The following NEBL variants were observed in gnomAD, a reference collection of about 807,000 sequenced individuals.
NEBL encodes the protein LIM and SH3 protein 2.
Under a neutral mutation model 140.2 loss-of-function variants are expected in NEBL, and 122 were observed. That is an observed-to-expected ratio of 0.87 (90% CI 0.75 to 1.01). The LOEUF is 1.01. Among genes scored for constraint, NEBL ranks in the 50% least tolerant of loss-of-function variants. The pLI, the probability that NEBL is intolerant of heterozygous loss-of-function variation, is 0.00. For synonymous variants in NEBL, 436 were observed against 398.9 expected (o/e 1.09, Z -1.11); for missense variants, 1,365 against 1,231.3 (o/e 1.11, Z -1.62).
chr10:21,083,612 A>G (rs1295520720), intron 2 of NEBL, among the ~76,000 whole-genome samples: 1 of 152,202 alleles, frequency 6.6e-6, no homozygotes, highest in Non-Finnish European at 1.5e-5. Context: ...GAGGAGGCCA[A>G]GGCAGGAGGA....
At chr10:20,985,618 G>T (rs376512794) in intron 3 of NEBL, among the ~76,000 whole-genome samples, 2 of 151,998 alleles carry the variant, frequency 1.3e-5, no homozygotes, top group Admixed American at 1.3e-4. Flanking sequence ...CTCATTTCAG[G>T]CAGTCAGAAA....
At chr10:20,921,165 A>C (rs1833561645) in intron 4 of NEBL, among the ~76,000 whole-genome samples, 1 of 152,216 alleles carries the variant, frequency 6.6e-6, no homozygotes, top group Non-Finnish European at 1.5e-5. Context: ...TATTTTATTT[A>C]AACTGTGAAG....
chr10:21,051,611 T>C (rs1003940723), intron 2 of NEBL, among the ~76,000 whole-genome samples: 1 of 152,188 alleles, frequency 6.6e-6, no homozygotes, highest in Non-Finnish European at 1.5e-5. Context: ...AAAAAATCTA[T>C]GACACATGGA....
intron 1 of NEBL, among the ~76,000 whole-genome samples, chr10:21,280,770 G>T (rs989720659): frequency 6.6e-6 from 1 of 151,552 alleles, no homozygotes; most frequent in African/African-American, 2.4e-5. Context: ...ACACACCATC[G>T]CGCATGGCTA....
intron 2 of NEBL, among the ~76,000 whole-genome samples, chr10:20,891,814 C>A (rs147974969): frequency 1.3e-5 from 2 of 152,074 alleles, no homozygotes; most frequent in East Asian, 1.9e-4. Flanking sequence ...AAGTCACACA[C>A]AATCATGTGT....
intron 3 of NEBL, among the ~76,000 whole-genome samples, chr10:21,006,974 C>T (rs1421290397): frequency 1.3e-5 from 2 of 152,104 alleles, no homozygotes; most frequent in Non-Finnish European, 2.9e-5. Flanking sequence ...GTAAAGGATC[C>T]TTTCTTATTC....
At chr10:20,817,127 C>T (rs962759853) in intron 21 of NEBL, among the ~76,000 whole-genome samples, 1 of 152,080 alleles carries the variant, frequency 6.6e-6, no homozygotes, top group Non-Finnish European at 1.5e-5. Context: ...CATCTGTAAT[C>T]CCAGCACTTT....
chr10:20,813,776 C>T, intron 23 of NEBL, 163 bp downstream of exon 23: 1 of 630,358 alleles, frequency 1.6e-6, no homozygotes, highest in East Asian at 2.8e-5. Context: ...CTAAATGTTT[C>T]CACTGCATTT....
chr10:20,935,193 G>C (rs891265613), intron 4 of NEBL, among the ~76,000 whole-genome samples: 1 of 152,098 alleles, frequency 6.6e-6, no homozygotes, highest in African/African-American at 2.4e-5. Flanking sequence ...GTCACCCCGA[G>C]GAAGCATCCA....
upstream of NEBL, among the ~76,000 whole-genome samples, chr10:21,176,110 C>T (rs911701395): frequency 6.6e-6 from 1 of 152,070 alleles, no homozygotes; most frequent in Non-Finnish European, 1.5e-5. Flanking sequence ...TCAGGTGATC[C>T]TCCCGTCTCA....
chr10:21,185,487 CTTTTTTTTT>C (rs10612676), intron 3 of NEBL, among the ~76,000 whole-genome samples: 6 of 72,080 alleles, frequency 8.3e-5, no homozygotes, highest in South Asian at 1.2e-3. Context: ...ATTTTCTTTC[CTTTTTTTTT>C]TTTTTTTTTT....
chr10:21,097,179 G>A (rs932862739), intron 2 of NEBL, among the ~76,000 whole-genome samples: 2 of 148,376 alleles, frequency 1.3e-5, no homozygotes, highest in South Asian at 2.2e-4. Context: ...CCGGCCAGGT[G>A]CGGTGGCTCA....
intron 7 of NEBL, among the ~76,000 whole-genome samples, chr10:20,862,041 T>C (rs1843754804): frequency 6.6e-6 from 1 of 152,160 alleles, no homozygotes; most frequent in Non-Finnish European, 1.5e-5. Context: ...ACATCTCATA[T>C]AATTTGTTGA....
chr10:20,820,572 T>A (rs1449067767), intron 19 of NEBL, among the ~76,000 whole-genome samples: 3 of 152,194 alleles, frequency 2.0e-5, no homozygotes, highest in Non-Finnish European at 2.9e-5. Flanking sequence ...ACGCCTGTAA[T>A]CCTAACAGTT....
intron 4 of NEBL, among the ~76,000 whole-genome samples, chr10:20,951,420 T>C (rs1226446243): frequency 6.6e-6 from 1 of 151,370 alleles, no homozygotes; most frequent in Non-Finnish European, 1.5e-5. Flanking sequence ...GCAATTTTTA[T>C]GACATAATCC....
intron 5 of NEBL, among the ~76,000 whole-genome samples, chr10:20,873,180 G>A (rs1235996009): frequency 2.6e-5 from 4 of 152,150 alleles, no homozygotes; most frequent in Non-Finnish European, 5.9e-5. Flanking sequence ...CACAGCAGAA[G>A]AGAGGCTTGG....
rs1246291801 is a variant in NEBL, at chr10:20,785,733, G to T, written c.*14C>A. ...GATACATTAGAATAAAGCTCAAAGGGCAGGGAGAAATAATTAATTAACAAA... is the reference window on the plus strand; with the variant it reads ...GATACATTAGAATAAAGCTCAAAGGTCAGGGAGAAATAATTAATTAACAAA... On this transcript the variant is annotated 3_prime_UTR_variant, in exon 28 of 28. Coordinates refer to ENST00000377122, the MANE Select transcript of NEBL (RefSeq NM_006393.3). 1.2e-6 allele frequency: 2 copies of T among 1,612,170 alleles called. No homozygotes were observed. The highest frequency in any genetic ancestry group is 2.2e-5 in the South Asian group (2 of 90,836).
At chr10:20,808,432 A>G in intron 26 of NEBL, 78 bp downstream of exon 26, 1 of 1,470,120 alleles carries the variant, frequency 6.8e-7, no homozygotes, top group South Asian at 1.1e-5. Context: ...TGCAAAAGTG[A>G]AAAGAATTTT....
intron 4 of NEBL, among the ~76,000 whole-genome samples, chr10:20,909,709 T>C (rs1848250352): frequency 6.6e-6 from 1 of 152,070 alleles, no homozygotes; most frequent in South Asian, 2.1e-4. Context: ...ACAGAATAAC[T>C]CAACAATTCT....
Sources: allele counts gnomAD v4.1 joint callset (sites outside exome capture counted in the v4.1 genomes callset), GRCh38; gene constraint gnomAD v4.1.1; transcripts MANE v1.5; gene names NCBI Gene and HGNC (gene_info 2026-07-23, HGNC 2026-07-21).